SEC14L5: variants seen among roughly 807,000 people sequenced by gnomAD.
SEC14L5 encodes the protein SEC14-like protein 5.
Under a neutral mutation model 84.6 loss-of-function variants are expected in SEC14L5, and 96 were observed. The ratio of observed to expected loss-of-function variants is 1.13; its 90% CI spans 0.96 to 1.34. SEC14L5 has a LOEUF of 1.34. Among genes scored for constraint, SEC14L5 ranks in the 40% most tolerant of loss-of-function variants. The pLI, the probability that SEC14L5 is intolerant of heterozygous loss-of-function variation, is 0.00. For missense variants in SEC14L5, 1,224 were observed against 942.5 expected, an observed-to-expected ratio of 1.30 and a Z score of -3.91; for synonymous variants, 546 against 383.4, an observed-to-expected ratio of 1.42 and a Z score of -4.95.
chr16:4,964,343 C>T (rs1167056353), intron 2 of SEC14L5, among the ~76,000 whole-genome samples: 1 of 151,998 alleles, frequency 6.6e-6, no homozygotes, highest in African/African-American at 2.4e-5. Flanking sequence ...AATCCCAGCA[C>T]TTTGGGAGGC....
At chr16:4,974,452 C>T (rs2142486436) in intron 2 of SEC14L5, among the ~76,000 whole-genome samples, 1 of 152,248 alleles carries the variant, frequency 6.6e-6, no homozygotes. Context: ...GATTCTCCGA[C>T]CTCGACCTCC....
At chr16:5,006,282 A>C (rs576804934) in intron 12 of SEC14L5, among the ~76,000 whole-genome samples, 1 of 152,384 alleles carries the variant, frequency 6.6e-6, no homozygotes, top group Non-Finnish European at 1.5e-5. Context: ...TCCTTCAAAC[A>C]TAGTGAGTGA....
At chr16:4,978,428 G>GAAA (rs1184180477) in intron 2 of SEC14L5, among the ~76,000 whole-genome samples, 731 of 52,186 alleles carry the variant, frequency 0.014, 111 homozygotes, top group African/African-American at 0.059. Flanking sequence ...AAAAAAAAAG[G>GAAA]AAAAAAAAGA....
At chr16:4,980,632 A>G (rs913352916) in intron 2 of SEC14L5, among the ~76,000 whole-genome samples, 1 of 152,098 alleles carries the variant, frequency 6.6e-6, no homozygotes, top group Non-Finnish European at 1.5e-5. Context: ...CACAGGTATG[A>G]GGTTGTGCTT....
At chr16:4,993,335 G>C (rs939330247) in intron 6 of SEC14L5, among the ~76,000 whole-genome samples, 2 of 152,098 alleles carry the variant, frequency 1.3e-5, no homozygotes, top group Admixed American at 6.5e-5. Flanking sequence ...TCTGCCTCCC[G>C]GCTTCAAGCA....
At chr16:4,960,316 G>A (rs1055666588) in intron 2 of SEC14L5, among the ~76,000 whole-genome samples, 3 of 152,194 alleles carry the variant, frequency 2.0e-5, no homozygotes, top group Non-Finnish European at 4.4e-5. Flanking sequence ...AAAATATGCT[G>A]TCGCTGTTAT....
At chr16:4,971,886 A>G (rs1955285027) in intron 2 of SEC14L5, among the ~76,000 whole-genome samples, 1 of 152,238 alleles carries the variant, frequency 6.6e-6, no homozygotes, top group African/African-American at 2.4e-5. Flanking sequence ...ACAAGGCACC[A>G]GGGAATTCAG....
intron 2 of SEC14L5, among the ~76,000 whole-genome samples, chr16:4,963,320 A>G (rs1955152261): frequency 6.6e-6 from 1 of 152,174 alleles, no homozygotes; most frequent in Admixed American, 6.6e-5. Flanking sequence ...AAAGAGAAGG[A>G]TTCTAGGGTA....
intron 2 of SEC14L5, among the ~76,000 whole-genome samples, chr16:4,971,013 C>A (rs1256734930): frequency 2.0e-5 from 3 of 149,142 alleles, no homozygotes; most frequent in African/African-American, 7.5e-5. Flanking sequence ...GGGGCTGAGG[C>A]AGGAGAATCG....
Position 4,991,968 on chromosome 16 carries a change from C to T in SEC14L5, c.605C>T (p.Ser202Phe), listed in dbSNP as rs1027076238. 6.9e-6 allele frequency: 11 copies of T among 1,591,956 alleles called. No homozygotes were observed. The African/African-American group carries it at 1.2e-4, about 17-fold the overall frequency. The change falls in exon 6 of 16, where the codon TCC becomes TTC. Residue 202 changes from serine to phenylalanine, a missense_variant. Transcript: ENST00000251170. ...CAGGCTGGACCGAGGGACCCCAGCTCCCTGGAGGCCCACGGGCCCCGTAGC... is the reference window on the plus strand; with the variant it reads ...CAGGCTGGACCGAGGGACCCCAGCTTCCTGGAGGCCCACGGGCCCCGTAGC... ...RNQAGPRDPS[S>F]LEAHGPRSTL...
Position 5,007,602 on chromosome 16 carries a change from CTTTCTTT to C in SEC14L5, c.1572+120_1572+126del. On this transcript the variant is annotated intron_variant, in intron 13 of 15. Coordinates refer to ENST00000251170, the MANE Select transcript of SEC14L5 (RefSeq NM_014692.2). ...TCTTTTTTCTTTTCTTTCTTTCTTT[CTTTCTTT>C]TTTTTTTTTTTTTTGGGATGGAGTC... 13 of 767,676 alleles carry C rather than the reference CTTTCTTT, an allele frequency of 1.7e-5. No homozygotes were observed. In the East Asian group the frequency reaches 2.3e-4, roughly 14 times the overall value. 47.6% of individuals were successfully genotyped at this position (767,676 alleles called of 1,614,324 possible). A position where few individuals can be genotyped will look rare whatever the true frequency, so the allele number is the denominator to read the frequency against.
At chr16:4,987,798 G>A in intron 3 of SEC14L5, 92 bp downstream of exon 3, 3 of 960,070 alleles carry the variant, frequency 3.1e-6, no homozygotes, top group Non-Finnish European at 4.4e-6. Flanking sequence ...AGGGCGGCGG[G>A]GTCCAGGAGG....
chr16:5,007,223 G>C, intron 12 of SEC14L5, 129 bp from the exon 13 acceptor site: 2 of 698,874 alleles, frequency 2.9e-6, no homozygotes, highest in Non-Finnish European at 4.8e-6. Context: ...GGTCATGGAA[G>C]CCCACAGCCC....
chr16:4,984,498 T>G (rs1477114696), intron 2 of SEC14L5, among the ~76,000 whole-genome samples: 1 of 152,258 alleles, frequency 6.6e-6, no homozygotes, highest in Non-Finnish European at 1.5e-5. Flanking sequence ...CTATAAATAT[T>G]TGTGTATTTT....
At chr16:4,977,421 T>C (rs1373818754) in intron 2 of SEC14L5, among the ~76,000 whole-genome samples, 2 of 110,466 alleles carry the variant, frequency 1.8e-5, no homozygotes, top group African/African-American at 3.6e-5. Flanking sequence ...CACTCCAGCC[T>C]AGGCGAAAGA....
chr16:4,979,386 C>G (rs1391197885), intron 2 of SEC14L5, among the ~76,000 whole-genome samples: 1 of 152,186 alleles, frequency 6.6e-6, no homozygotes, highest in Non-Finnish European at 1.5e-5. Flanking sequence ...GACTTAAACT[C>G]TCTGAGTTTT....
intron 8 of SEC14L5, among the ~76,000 whole-genome samples, chr16:4,998,003 CTTTTTTT>C (rs35302716): frequency 1.3e-5 from 1 of 77,896 alleles, no homozygotes; most frequent in African/African-American, 5.2e-5. Flanking sequence ...GACTCTAGTT[CTTTTTTT>C]TTTTTTTTTT....
intron 6 of SEC14L5, among the ~76,000 whole-genome samples, chr16:4,995,920 A>T (rs1955603754): frequency 6.6e-6 from 1 of 152,068 alleles, no homozygotes; most frequent in African/African-American, 2.4e-5. Context: ...GCCACCACTC[A>T]CAGCAGTTTT....
intron 10 of SEC14L5, among the ~76,000 whole-genome samples, chr16:5,002,336 G>A (rs1437738042): frequency 4.4e-5 from 6 of 136,854 alleles, no homozygotes; most frequent in African/African-American, 1.4e-4. Flanking sequence ...TCGTTCTGTC[G>A]CCCAGGCTGG....
Sources: gnomAD v4.1 joint callset for allele counts (sites outside exome capture counted in the v4.1 genomes callset) on GRCh38, gnomAD v4.1.1 for gene constraint, MANE v1.5 for transcripts, NCBI Gene and HGNC (gene_info 2026-07-23, HGNC 2026-07-21) for gene names.